Variants in TTC16 observed in about 807,000 individuals in gnomAD.
The protein encoded by TTC16 is tetratricopeptide repeat protein 16.
A neutral mutation model predicts 80.4 loss-of-function variants in TTC16; 66 were observed. The ratio of observed to expected loss-of-function variants is 0.82; its 90% CI spans 0.67 to 1.01. The LOEUF is 1.01. Among genes scored for constraint, TTC16 ranks in the 50% least tolerant of loss-of-function variants. The pLI is 0.00. For synonymous variants in TTC16, 438 were observed against 451.3 expected, an observed-to-expected ratio of 0.97 and a Z score of 0.37; for missense variants, 1,070 against 1,103.2, an observed-to-expected ratio of 0.97 and a Z score of 0.43.
chr9:127,729,859 C>T, intron 13 of TTC16, 191 bp downstream of exon 13: 2 of 590,784 alleles, frequency 3.4e-6, no homozygotes, highest in Non-Finnish European at 6.0e-6. Flanking sequence ...GAGGCTTGCT[C>T]CAGGCACTTC....
At position 127,731,026 on chromosome 9, in the gene TTC16, A is replaced by T. The variant is rs904993031; in HGVS notation, c.2243A>T (p.Glu748Val). Residue 748 changes from glutamate (E) to valine (V), a missense_variant, in exon 14 of 14, where the codon GAG becomes GTG. Physicochemically the swap from Glu to Val is moderately radical, Grantham distance 121 (BLOSUM62 -2). Coordinates refer to ENST00000373289, the MANE Select transcript of TTC16 (RefSeq NM_144965.3). ...ATQGQRQSSSEIEATQGPRQE... is the reference protein window; with the variant it reads ...ATQGQRQSSSVIEATQGPRQE... ...CAGGGCCAGAGGCAGAGCTCCAGCG[A>T]GATTGAGGCCACCCAGGGCCCAAGG... 1.2e-6 allele frequency: 2 copies of T among 1,612,842 alleles called. No homozygotes were observed. The highest frequency in any genetic ancestry group is 1.7e-6 in the Non-Finnish European group (2 of 1,179,934).
chr9:127,717,217 ACTC>A (rs1564375617), intron 2 of TTC16, 114 bp from the exon 3 acceptor site: 10 of 1,200,934 alleles, frequency 8.3e-6, no homozygotes, highest in Admixed American at 2.0e-5. Context: ...GCTTCTGTCT[ACTC>A]CTCCTGCCTC....
rs1564392383 is a variant in TTC16, at chr9:127,727,372, C to T, written c.1671C>T (p.Ala557=). ...PLIATSEELK[A]TPEIPQVKPG... ...TTGCGACCTCCGAGGAGCTGAAGGC[C>T]ACCCCTGAGATTCCGCAGGTAAAAC... The change falls in exon 12 of 14, where the codon GCC becomes GCT. Residue 557 remains alanine (A), a synonymous_variant. Coordinates refer to ENST00000373289, the MANE Select transcript of TTC16 (RefSeq NM_144965.3). 6.2e-7 allele frequency: 1 copy of T among 1,610,988 alleles called. No homozygotes were observed. The highest frequency in any genetic ancestry group is 8.5e-7 in the Non-Finnish European group (1 of 1,178,468).
In TTC16 at chr9:127,724,311, A is replaced by T; in HGVS notation, c.1064A>T (p.Asn355Ile). The change falls in exon 8 of 14, where the codon AAC becomes ATC. Residue 355 changes from asparagine (N) to isoleucine (I), a missense_variant. Asn to Ile is a moderately radical substitution (Grantham distance 149). Transcript: ENST00000373289. ...TACCAGGAGGGCGTGCTGCTGCTGAACAAGGCCCTCCGGGACGAGCAGCAG... is the reference window on the plus strand; with the variant it reads ...TACCAGGAGGGCGTGCTGCTGCTGATCAAGGCCCTCCGGGACGAGCAGCAG... ...GAYQEGVLLLNKALRDEQQEK... is the reference protein window; with the variant it reads ...GAYQEGVLLLIKALRDEQQEK... The T allele has an allele frequency of 6.2e-7, 1 of 1,612,814 alleles. No homozygotes were observed. Among genetic ancestry groups the T allele is most frequent in the Non-Finnish European group, 8.5e-7 (1 of 1,179,902 alleles).
chr9:127,724,826 T>C lies in TTC16; in HGVS notation c.1188T>C (p.Pro396=), dbSNP rs1346040851. 4 of 1,606,170 alleles carry C rather than the reference T, an allele frequency of 2.5e-6. No individual in the cohort carries two copies. The highest frequency in any genetic ancestry group is 3.4e-6 in the Non-Finnish European group (4 of 1,177,240). The stretch of plus-strand genomic sequence containing the variant: ...ACCAGCAGGCGCTGGCGCTGAGCCC[T>C]CAGGACGAGGGCGCCAACACGCGCA... ...ADYQQALALS[P]QDEGANTRMG... is the part of the protein sequence containing the mutation. Residue 396 remains proline (P), a synonymous_variant, in exon 9 of 14, where the codon CCT becomes CCC. Coordinates refer to ENST00000373289, the MANE Select transcript of TTC16 (RefSeq NM_144965.3).
At chr9:127,724,597 C>G (rs1843762134) in intron 8 of TTC16, 159 bp from the exon 9 acceptor site, 1 of 1,152,738 alleles carries the variant, frequency 8.7e-7, no homozygotes, top group Middle Eastern at 2.3e-4. Context: ...AGCTGGGGAA[C>G]AGTGCCCAGA....
In TTC16 at chr9:127,723,169, G is replaced by C. The variant is rs149022314; in HGVS notation, c.708G>C (p.Lys236Asn). The C allele has an allele frequency of 1.7e-5, 27 of 1,612,706 alleles. No homozygotes were observed. In the African/African-American group the frequency reaches 3.3e-4, roughly 20 times the overall value. ...ACAGCGCCTTGCTGTTGAATCCCAA[G>C]CACCCGCAGGCCAGGATGCTGCTCC... Reference protein sequence around the residue: ...DLHSALLLNPKHPQARMLLQK... With the variant: ...DLHSALLLNPNHPQARMLLQK... The change falls in exon 7 of 14, where the codon AAG becomes AAC. Residue 236 changes from lysine to asparagine, a missense_variant. Transcript: ENST00000373289.
intron 7 of TTC16, among the ~76,000 whole-genome samples, chr9:127,723,813 A>G (rs961858214): frequency 6.6e-6 from 1 of 152,198 alleles, no homozygotes; most frequent in Non-Finnish European, 1.5e-5. Context: ...TAACCTATCC[A>G]AACAGTGGTG....
rs1844400761 is a variant in TTC16 at position 127,731,285 on chromosome 9, C to T, written c.2502C>T (p.Ala834=). Residue 834 remains alanine (A), a synonymous_variant, in exon 14 of 14, where the codon GCC becomes GCT. Coordinates refer to ENST00000373289, the MANE Select transcript of TTC16 (RefSeq NM_144965.3). ...AGAGGTCCAGCAAGGCTGAGGGTGC[C>T]CAGGGCAAGAGCCAGGGCATGAGCT... ...QGQRSSKAEG[A]QGKSQGMSST... 8 of 1,613,202 alleles carry T rather than the reference C, an allele frequency of 5.0e-6. No homozygotes were observed. Among genetic ancestry groups the T allele is most frequent in the Non-Finnish European group, 6.8e-6 (8 of 1,180,020 alleles).
chr9:127,719,703 G>C (rs529789178), intron 4 of TTC16, among the ~76,000 whole-genome samples: 4 of 152,332 alleles, frequency 2.6e-5, no homozygotes, highest in Admixed American at 2.6e-4. Context: ...ATGTTGGCCA[G>C]GCTGGCCTCA....
Position 127,731,081 on chromosome 9 carries a change from G to A in TTC16, c.2298G>A (p.Arg766=). 1 of 1,612,166 alleles carries A rather than the reference G, an allele frequency of 6.2e-7. No individual in the cohort carries two copies. The highest frequency in any genetic ancestry group is 2.2e-5 in the East Asian group (1 of 44,864). Reference sequence around the variant, plus strand: ...AGCCCAGCAAGACCAAGACCACCCGGAGCCCAAGGCAGAGGCCCAGAAAGG... The same window carrying A: ...AGCCCAGCAAGACCAAGACCACCCGAAGCCCAAGGCAGAGGCCCAGAAAGG... The part of the protein sequence containing the change: ...RQEPSKTKTT[R]SPRQRPRKVK... Residue 766 remains arginine (R), a synonymous_variant, in exon 14 of 14, where the codon CGG becomes CGA. Transcript: ENST00000373289.
intron 6 of TTC16, 128 bp downstream of exon 6, chr9:127,720,523 G>T (rs981744976): frequency 2.4e-6 from 3 of 1,246,386 alleles, no homozygotes; most frequent in Non-Finnish European, 3.4e-6. Context: ...AGTGGGTGCT[G>T]TCCTCCCTGG....
In TTC16 at chr9:127,716,126, GTCC is replaced by G. The variant is rs1842984374; in HGVS notation, c.-15_-13del. ...CGAGGTAGTTGGCAGAGGCCTCGGG[GTCC>G]TCCTGGAAGGGGCCTCATGACAGAT... On this transcript the variant is annotated 5_prime_UTR_variant, in exon 1 of 14. Transcript: ENST00000373289. 1.2e-6 allele frequency: 2 copies of G among 1,613,876 alleles called. No homozygotes were observed. Among genetic ancestry groups the G allele is most frequent in the Non-Finnish European group, 1.7e-6 (2 of 1,180,022 alleles).
At position 127,727,319 on chromosome 9, in the gene TTC16, C is replaced by T. The variant is rs375835026; in HGVS notation, c.1618C>T (p.His540Tyr). 238 of 1,597,736 alleles carry T rather than the reference C, an allele frequency of 1.5e-4. 4 individuals carry two copies. In the South Asian group the frequency reaches 1.9e-3, roughly 13 times the overall value. Residue 540 changes from histidine (H) to tyrosine (Y), a missense_variant, in exon 12 of 14, where the codon CAC becomes TAC. Transcript: ENST00000373289. ...LERQKALALQ[H>Y]SWKQGEPLIA... ...GCGCCAGAAGGCCTTGGCCCTGCAG[C>T]ACTCATGGAAGCAGGGGGAGCCTTT...
At chr9:127,724,641 C>G (rs945841153) in intron 8 of TTC16, 115 bp from the exon 9 acceptor site, 1 of 1,386,068 alleles carries the variant, frequency 7.2e-7, no homozygotes, top group Non-Finnish European at 9.6e-7. Context: ...GAGACTGCGG[C>G]GGGGGGTTAT....
intron 12 of TTC16, 86 bp downstream of exon 12, chr9:127,727,551 T>C: frequency 6.7e-7 from 1 of 1,484,798 alleles, no homozygotes; most frequent in Non-Finnish European, 9.0e-7. Context: ...TGCAGGCCAG[T>C]GGAGTCTGGC....
chr9:127,721,884 A>G (rs1843541235), intron 6 of TTC16, among the ~76,000 whole-genome samples: 1 of 151,956 alleles, frequency 6.6e-6, no homozygotes, highest in East Asian at 1.9e-4. Flanking sequence ...TAGGAGAGAC[A>G]AGGTTTCGCC....
At chr9:127,721,006 A>G (rs552982082) in intron 6 of TTC16, among the ~76,000 whole-genome samples, 7 of 130,622 alleles carry the variant, frequency 5.4e-5, no homozygotes, top group African/African-American at 8.9e-5. Flanking sequence ...GTTTGCCTCA[A>G]TGAATCATCC....
intron 13 of TTC16, 31 bp from the exon 14 acceptor site, chr9:127,730,605 C>T (rs1844337739): frequency 3.1e-6 from 5 of 1,603,512 alleles, no homozygotes; most frequent in Non-Finnish European, 4.3e-6. Flanking sequence ...TGCGGCAGGC[C>T]TGATGGGTGC....
Sources: allele counts gnomAD v4.1 joint callset (sites outside exome capture counted in the v4.1 genomes callset), GRCh38; gene constraint gnomAD v4.1.1; transcripts MANE v1.5; gene names NCBI Gene and HGNC (gene_info 2026-07-23, HGNC 2026-07-21).